Variants in RCCD1 observed in about 807,000 individuals in gnomAD.
The protein encoded by RCCD1 is RCC1 domain containing 1, also known as RCC1 domain-containing protein 1.
RCCD1 carries 40 observed loss-of-function variants against 37.6 expected under a neutral mutation model. That is an observed-to-expected ratio of 1.06 (90% CI 0.83 to 1.39). The LOEUF is 1.39. Ranked by LOEUF, RCCD1 falls within the 40% of genes most tolerant of loss-of-function variation. RCCD1 has a pLI of 0.00. For missense variants in RCCD1, 577 were observed against 517.3 expected (o/e 1.12, Z -1.12); for synonymous variants, 263 against 230.0 (o/e 1.14, Z -1.30).
At position 90,961,605 on chromosome 15, in the gene RCCD1, G is replaced by A. The variant is rs2037314832; in HGVS notation, c.980-13G>A. 2 of 1,608,778 alleles carry A rather than the reference G, an allele frequency of 1.2e-6. No homozygotes were observed. Among genetic ancestry groups the A allele is most frequent in the African/African-American group, 2.7e-5 (2 of 74,784 alleles). On this transcript the variant is annotated splice_polypyrimidine_tract_variant and intron_variant, in intron 7 of 7. Coordinates refer to ENST00000394258, the MANE Select transcript of RCCD1 (RefSeq NM_001017919.2). ...CAGTGGAGACGATGGCAAAGGGGCT[G>A]ATTTCACTTTAGGTAAATATGGACA... is the stretch of plus-strand genomic sequence containing the variant.
chr15:90,960,103 T>A (rs2037283960), intron 5 of RCCD1, 105 bp downstream of exon 5: 1 of 1,023,956 alleles, frequency 9.8e-7, no homozygotes, highest in Non-Finnish European at 1.5e-6. Flanking sequence ...AGATGGAGCA[T>A]GTGAGCCCCT....
intron 4 of RCCD1, among the ~76,000 whole-genome samples, chr15:90,958,555 G>C (rs1049371774): frequency 1.4e-5 from 2 of 146,070 alleles, no homozygotes; most frequent in African/African-American, 5.1e-5. Flanking sequence ...TTGAACCTGA[G>C]AAGCAGAGGT....
At chr15:90,956,376 G>T (rs951396360) in intron 1 of RCCD1, among the ~76,000 whole-genome samples, 1 of 152,236 alleles carries the variant, frequency 6.6e-6, no homozygotes, top group Non-Finnish European at 1.5e-5. Context: ...GCGGGACGGG[G>T]TGGGGGTGTC....
intron 4 of RCCD1, among the ~76,000 whole-genome samples, chr15:90,959,341 C>T (rs915195269): frequency 1.3e-5 from 2 of 152,202 alleles, no homozygotes; most frequent in Non-Finnish European, 2.9e-5. Flanking sequence ...GCTGTTCCAA[C>T]CAAAAAGCTC....
At position 90,956,692 on chromosome 15, in the gene RCCD1, C is replaced by T. The variant is rs768966656; in HGVS notation, c.-43C>T. The T allele has an allele frequency of 1.6e-6, 2 of 1,255,576 alleles. No homozygotes were observed. The highest frequency in any genetic ancestry group is 6.4e-5 in the South Asian group (2 of 31,104). 77.8% of individuals were successfully genotyped at this position (1,255,576 alleles called of 1,614,324 possible). The stretch of plus-strand genomic sequence containing the variant: ...GCTCTTCGCAAGAATCCCCCCGGGC[C>T]CGCCGCAGCCAGGCGGCGGCCGGCA... On this transcript the variant is annotated 5_prime_UTR_variant, in exon 2 of 8. Transcript: ENST00000394258.
intron 4 of RCCD1, among the ~76,000 whole-genome samples, chr15:90,959,542 C>T (rs910343211): frequency 7.2e-5 from 11 of 152,332 alleles, no homozygotes; most frequent in African/African-American, 2.6e-4. Context: ...CCATCTCAGC[C>T]TCCCAAAGTG....
intron 7 of RCCD1, 194 bp from the exon 8 acceptor site, chr15:90,961,424 C>T (rs557588350): frequency 6.7e-6 from 4 of 599,990 alleles, no homozygotes; most frequent in East Asian, 2.8e-5. Context: ...TCTGGAGGAG[C>T]GTCTTGCCTG....
intron 1 of RCCD1, chr15:90,955,720 AC>A: frequency 7.1e-6 from 1 of 141,814 alleles, no homozygotes; most frequent in African/African-American, 2.8e-5. Context: ...AAAAAAACAA[AC>A]CCGCTCCAGC....
intron 4 of RCCD1, among the ~76,000 whole-genome samples, chr15:90,957,989 A>G (rs1247684064): frequency 6.6e-6 from 1 of 152,138 alleles, no homozygotes; most frequent in African/African-American, 2.4e-5. Flanking sequence ...ACCTGCTCCC[A>G]GCCAGGACTG....
chr15:90,958,917 G>C (rs2037257590), intron 4 of RCCD1, among the ~76,000 whole-genome samples: 1 of 139,900 alleles, frequency 7.1e-6, no homozygotes, highest in Non-Finnish European at 1.5e-5. Context: ...CTGAGTGACA[G>C]AGTGAGACTC....
chr15:90,962,330 C>T lies in RCCD1; in HGVS notation c.*561C>T, dbSNP rs1170364491. On this transcript the variant is annotated 3_prime_UTR_variant, in exon 8 of 8. Transcript: ENST00000394258. ...TGGTGTTCTGTTGTATGAATAATACCTCAAGTGATACAGCCTTGTTGATGG... is the reference window on the plus strand; with the variant it reads ...TGGTGTTCTGTTGTATGAATAATACTTCAAGTGATACAGCCTTGTTGATGG... The T allele has an allele frequency of 6.6e-6, 1 of 152,176 alleles. No individual in the cohort carries two copies. The highest frequency in any genetic ancestry group is 1.5e-5 in the Non-Finnish European group (1 of 68,084). The allele number at this position is 152,176 out of a possible 1,614,324, so 9.4% of individuals were successfully genotyped here.
intron 4 of RCCD1, 149 bp downstream of exon 4, chr15:90,957,874 C>T (rs1306517808): frequency 5.8e-6 from 6 of 1,041,508 alleles, no homozygotes; most frequent in Non-Finnish European, 8.3e-6. Flanking sequence ...ATGCCTCTCA[C>T]CCTCGGCCTC....
rs922054979 is a variant in RCCD1 at position 90,961,615 on chromosome 15, T to A, written c.980-3T>A. Reference sequence around the variant, plus strand: ...GATGGCAAAGGGGCTGATTTCACTTTAGGTAAATATGGACAGCTGGGCCAC... The same window carrying A: ...GATGGCAAAGGGGCTGATTTCACTTAAGGTAAATATGGACAGCTGGGCCAC... On this transcript the variant is annotated splice_polypyrimidine_tract_variant and splice_region_variant and intron_variant, in intron 7 of 7. Coordinates refer to ENST00000394258, the MANE Select transcript of RCCD1 (RefSeq NM_001017919.2). 1 of 1,610,654 alleles carries A rather than the reference T, an allele frequency of 6.2e-7. No individual in the cohort carries two copies. The highest frequency in any genetic ancestry group is 1.7e-5 in the Admixed American group (1 of 59,608).
rs1416679692 is a variant in RCCD1 at position 90,960,402 on chromosome 15, A to G, written c.853A>G (p.Ile285Val). The G allele has an allele frequency of 1.5e-5, 24 of 1,613,882 alleles. No homozygotes were observed. The highest frequency in any genetic ancestry group is 5.5e-5 in the South Asian group (5 of 91,086). Residue 285 changes from isoleucine (I) to valine (V), a missense_variant, in exon 6 of 8, where the codon ATA (isoleucine) becomes GTA (valine). Ile to Val is a conservative substitution (Grantham distance 29). Coordinates refer to ENST00000394258, the MANE Select transcript of RCCD1 (RefSeq NM_001017919.2). ...TGAGGATGGAGCCCCTGCCCCCTTC[A>G]TAGCTGTCCAGCCCTTCCCGGCATT... ...GAEDGAPAPFIAVQPFPALLD... is the reference protein window; with the variant it reads ...GAEDGAPAPFVAVQPFPALLD...
rs4932380 is a variant in RCCD1, at chr15:90,956,756, G to T, written c.22G>T (p.Ala8Ser). Reference sequence around the variant, plus strand: ...GGGCATGGCGGAGGAGCGGCCGGGGGCCTGGTTCGGCTTCGGTTTCTGCGG... The same window carrying T: ...GGGCATGGCGGAGGAGCGGCCGGGGTCCTGGTTCGGCTTCGGTTTCTGCGG... MAEERPG[A>S]WFGFGFCGFG... The change falls in exon 2 of 8, where the codon GCC becomes TCC. Residue 8 changes from alanine (A) to serine (S), a missense_variant. Physicochemically the swap from Ala to Ser is moderately conservative, Grantham distance 99 (BLOSUM62 1). Coordinates refer to ENST00000394258, the MANE Select transcript of RCCD1 (RefSeq NM_001017919.2). 0.11 allele frequency: 140,028 copies of T among 1,325,582 alleles called. 10,670 individuals carry two copies. Among genetic ancestry groups the T allele is most frequent in the East Asian group, 0.44 (15,385 of 35,078 alleles). 82.1% of individuals were successfully genotyped at this position (1,325,582 alleles called of 1,614,324 possible).
At chr15:90,958,018 G>A (rs866825848) in intron 4 of RCCD1, among the ~76,000 whole-genome samples, 23 of 152,308 alleles carry the variant, frequency 1.5e-4, no homozygotes, top group African/African-American at 5.5e-4. Context: ...CAGTGCTGCC[G>A]AGGGAGTATG....
intron 2 of RCCD1, 51 bp downstream of exon 2, chr15:90,956,951 G>A: frequency 7.9e-7 from 1 of 1,263,150 alleles, no homozygotes; most frequent in Non-Finnish European, 9.9e-7. Context: ...CTCCCCAGTC[G>A]CCTCCCCGCA....
At chr15:90,960,034 A>G in intron 5 of RCCD1, 36 bp downstream of exon 5, 1 of 1,511,084 alleles carries the variant, frequency 6.6e-7, no homozygotes, top group Non-Finnish European at 9.2e-7. Flanking sequence ...CCGTCTCCCC[A>G]GGATGTGGCT....
At chr15:90,955,678 C>G (rs1335264849) in intron 1 of RCCD1, 3 of 148,522 alleles carry the variant, frequency 2.0e-5, no homozygotes, top group Non-Finnish European at 4.4e-5. Context: ...GGCAGCATAG[C>G]GAGACCCCTG....
Sources: allele counts gnomAD v4.1 joint callset (sites outside exome capture counted in the v4.1 genomes callset), GRCh38; gene constraint gnomAD v4.1.1; transcripts MANE v1.5; gene names NCBI Gene and HGNC (gene_info 2026-07-23, HGNC 2026-07-21).